ABCB11: variants seen among roughly 807,000 people sequenced by gnomAD.
The protein encoded by ABCB11 is ATP binding cassette subfamily B member 11, also known as bile salt export pump.
ABCB11 carries 95 observed loss-of-function variants against 148.0 expected under a neutral mutation model. The ratio of observed to expected loss-of-function variants is 0.64; its 90% CI spans 0.54 to 0.76. ABCB11 has a LOEUF of 0.76. Among genes scored for constraint, ABCB11 ranks in the 30% least tolerant of loss-of-function variants. The probability of loss-of-function intolerance (pLI) is 0.00; values close to 1 mark genes in which losing one functional copy is unlikely to be tolerated. For synonymous variants in ABCB11, 591 were observed against 555.4 expected, an observed-to-expected ratio of 1.06 and a Z score of -0.90; for missense variants, 1,523 against 1,617.8, an observed-to-expected ratio of 0.94 and a Z score of 1.01.
intron 21 of ABCB11, among the ~76,000 whole-genome samples, chr2:168,939,078 T>A (rs1559186893): frequency 8.4e-6 from 1 of 119,556 alleles, no homozygotes; most frequent in East Asian, 2.3e-4. Flanking sequence ...TTGATTCAAC[T>A]CTTTTTCTGT....
At chr2:168,916,683 T>A (rs1212151985), downstream of ABCB11, among the ~76,000 whole-genome samples, 1 of 152,234 alleles carries the variant, frequency 6.6e-6, no homozygotes, top group Admixed American at 6.5e-5. Flanking sequence ...GCAGGTGAGA[T>A]CATTTACTTG....
intron 5 of ABCB11, among the ~76,000 whole-genome samples, chr2:168,999,087 G>A (rs948631297): frequency 2.6e-5 from 4 of 152,092 alleles, no homozygotes; most frequent in Non-Finnish European, 4.4e-5. Flanking sequence ...CCACAGAATG[G>A]CATTTTTTTA....
intron 3 of ABCB11, among the ~76,000 whole-genome samples, chr2:169,015,875 T>C (rs990712299): frequency 6.6e-6 from 1 of 152,188 alleles, no homozygotes; most frequent in Non-Finnish European, 1.5e-5. Flanking sequence ...CCTACAATAG[T>C]GTCTGATACC....
chr2:169,017,076 C>T (rs1695384734), intron 2 of ABCB11, among the ~76,000 whole-genome samples: 1 of 151,230 alleles, frequency 6.6e-6, no homozygotes, highest in South Asian at 2.1e-4. Flanking sequence ...CATTTATGGA[C>T]TTTTCTTCAG....
intron 10 of ABCB11, among the ~76,000 whole-genome samples, chr2:168,981,673 C>T (rs1347978260): frequency 6.6e-6 from 1 of 152,134 alleles, no homozygotes; most frequent in East Asian, 1.9e-4. Context: ...CGTCAGAGGT[C>T]TTCCTACCTC....
In ABCB11 at chr2:168,979,858, A is replaced by C; in HGVS notation, c.1197+8T>G. The C allele has an allele frequency of 1.3e-6, 2 of 1,574,844 alleles. No homozygotes were observed. The highest frequency in any genetic ancestry group is 1.7e-6 in the Non-Finnish European group (2 of 1,152,680). On this transcript the variant is annotated splice_region_variant and intron_variant, in intron 11 of 27. Coordinates refer to ENST00000650372, the MANE Select transcript of ABCB11 (RefSeq NM_003742.4). The stretch of plus-strand genomic sequence containing the variant: ...TGTTAATGGCCTTTACTTTTGGCTT[A>C]TACATACCCTGTCTATTGTCTCAAA...
rs1311018954 is a variant in ABCB11 at position 168,922,596 on chromosome 2, C to A, written c.*1026G>T. ...ATTTTTGTTTTCTCTCATCTTGTAA[C>A]TCTATTATCAATTGTCCATTTGCTT... On this transcript the variant is annotated 3_prime_UTR_variant, in exon 28 of 28. Coordinates refer to ENST00000650372, the MANE Select transcript of ABCB11 (RefSeq NM_003742.4). Among the ~76,000 whole-genome samples, 1 of 152,174 alleles carries A rather than the reference C, an allele frequency of 6.6e-6. No homozygotes were observed. The highest frequency in any genetic ancestry group is 1.5e-5 in the Non-Finnish European group (1 of 68,032).
At chr2:168,964,158 C>T (rs957990567) in intron 18 of ABCB11, 48 bp downstream of exon 18, 15 of 1,410,380 alleles carry the variant, frequency 1.1e-5, no homozygotes, top group African/African-American at 4.3e-5. Context: ...CCAACAGTCC[C>T]CAGGAGAGAC....
In ABCB11 at chr2:168,923,461, C is replaced by T; in HGVS notation, c.*161G>A. The T allele has an allele frequency of 3.0e-6, 2 of 673,360 alleles. No individual in the cohort carries two copies. Among genetic ancestry groups the T allele is most frequent in the South Asian group, 4.0e-5 (2 of 50,384 alleles). The allele number at this position is 673,360 out of a possible 1,614,324, so 41.7% of individuals were successfully genotyped here. On this transcript the variant is annotated 3_prime_UTR_variant, in exon 28 of 28. Coordinates refer to ENST00000650372, the MANE Select transcript of ABCB11 (RefSeq NM_003742.4). ...ATTATGGAAGGCCATTAGAAATTAG[C>T]TTGGATTCCGATGTAGGAAAATGAC...
Position 168,922,140 on chromosome 2 carries a change from C to G in ABCB11, c.*1482G>C, listed in dbSNP as rs368520881. On this transcript the variant is annotated 3_prime_UTR_variant, in exon 28 of 28. Transcript: ENST00000650372. ...CTGGGATTACAGGAGTGAGCCACAG[C>G]GCCTGGCCCGACCTCTTTTCTAAGA... Among the ~76,000 whole-genome samples, 6 of 152,186 alleles carry G rather than the reference C, an allele frequency of 3.9e-5. No individual in the cohort carries two copies. Among genetic ancestry groups the G allele is most frequent in the African/African-American group, 9.6e-5 (4 of 41,454 alleles).
chr2:168,978,301 A>G (rs1393676346), intron 11 of ABCB11, among the ~76,000 whole-genome samples: 1 of 151,324 alleles, frequency 6.6e-6, no homozygotes, highest in African/African-American at 2.4e-5. Flanking sequence ...ATGTGCCACC[A>G]CACCCGGCTA....
rs753238582 is a variant in ABCB11 at position 168,952,531 on chromosome 2, A to G, written c.2343+5433T>C. Reference sequence around the variant, plus strand: ...TAGGTTTTCATAATAGTCTGTGATAATCTTTTGTATTTCTGTGGTATCTGT... The same window carrying G: ...TAGGTTTTCATAATAGTCTGTGATAGTCTTTTGTATTTCTGTGGTATCTGT... On this transcript the variant is annotated intron_variant, in intron 19 of 27. Coordinates refer to ENST00000650372, the MANE Select transcript of ABCB11 (RefSeq NM_003742.4). Among the ~76,000 whole-genome samples, 95 of 151,244 alleles carry G rather than the reference A, an allele frequency of 6.3e-4. 1 individual carries two copies. The highest frequency in any genetic ancestry group is 1.5e-4 in the Non-Finnish European group (10 of 67,554).
intron 21 of ABCB11, among the ~76,000 whole-genome samples, chr2:168,938,995 T>A (rs1691951244): frequency 6.6e-6 from 1 of 152,082 alleles, no homozygotes; most frequent in African/African-American, 2.4e-5. Flanking sequence ...TACATAACTA[T>A]CCTTCCAGAT....
intron 5 of ABCB11, among the ~76,000 whole-genome samples, chr2:169,003,380 A>G (rs1030012570): frequency 1.3e-5 from 2 of 149,318 alleles, no homozygotes; most frequent in Non-Finnish European, 3.0e-5. Flanking sequence ...ACACAAAAAC[A>G]TATTAAAATG....
chr2:168,953,404 G>A (rs946268722), intron 19 of ABCB11, among the ~76,000 whole-genome samples: 1 of 147,672 alleles, frequency 6.8e-6, no homozygotes, highest in East Asian at 2.0e-4. Flanking sequence ...TATATATTTA[G>A]AATTGTTATA....
chr2:168,976,614 T>G lies in ABCB11; in HGVS notation c.1271A>C (p.Asn424Thr), dbSNP rs371091982. 72 of 1,608,828 alleles carry G rather than the reference T, an allele frequency of 4.5e-5. No individual in the cohort carries two copies. The highest frequency in any genetic ancestry group is 5.9e-5 in the Non-Finnish European group (69 of 1,176,282). ...TCTGGAAGGATAATGGAAGGTCACA[T>G]TATGGAATTCAATTTCACCCTTGAT... is the stretch of plus-strand genomic sequence containing the variant. ...DRIKGEIEFH[N>T]VTFHYPSRPE... The change falls in exon 12 of 28, where the codon AAT (asparagine) becomes ACT (threonine). Residue 424 changes from asparagine (N) to threonine (T), a missense_variant. By Grantham distance (65) the Asn-to-Thr change is moderately conservative (BLOSUM62 0). Coordinates refer to ENST00000650372, the MANE Select transcript of ABCB11 (RefSeq NM_003742.4).
intron 19 of ABCB11, among the ~76,000 whole-genome samples, chr2:168,945,787 C>T (rs769334915): frequency 7.9e-5 from 12 of 151,778 alleles, no homozygotes; most frequent in Non-Finnish European, 1.0e-4. Flanking sequence ...GACTTTCACT[C>T]AGGTAATTTG....
intron 18 of ABCB11, among the ~76,000 whole-genome samples, chr2:168,959,995 T>C (rs569471826): frequency 1.6e-4 from 24 of 150,560 alleles, no homozygotes; most frequent in African/African-American, 5.9e-4. Context: ...GATGCTCATG[T>C]ATTCTGCCAG....
rs746302931 is a variant in ABCB11 at position 168,971,836 on chromosome 2, G to T, written c.1638+11C>A. ...TCTTAGTTTCTCCCAGGAATGTATGGCTAGGGGTACCTGTGGCAGGTCCAT... is the reference window on the plus strand; with the variant it reads ...TCTTAGTTTCTCCCAGGAATGTATGTCTAGGGGTACCTGTGGCAGGTCCAT... On this transcript the variant is annotated intron_variant, in intron 14 of 27. Coordinates refer to ENST00000650372, the MANE Select transcript of ABCB11 (RefSeq NM_003742.4). The T allele has an allele frequency of 1.2e-6, 2 of 1,611,526 alleles. No individual in the cohort carries two copies. The highest frequency in any genetic ancestry group is 2.2e-5 in the South Asian group (2 of 90,994).
Sources: allele counts gnomAD v4.1 joint callset (sites outside exome capture counted in the v4.1 genomes callset), GRCh38; gene constraint gnomAD v4.1.1; transcripts MANE v1.5; gene names NCBI Gene and HGNC (gene_info 2026-07-23, HGNC 2026-07-21).